SNX8: variants seen among roughly 807,000 people sequenced by gnomAD.
The protein encoded by SNX8 is sorting nexin 8.
A neutral mutation model predicts 51.6 loss-of-function variants in SNX8; 25 were observed. The observed-to-expected ratio is 0.48, with a 90% CI of 0.35 to 0.68. SNX8 has a LOEUF of 0.68. Ranked by LOEUF, SNX8 falls within the 30% of genes least tolerant of loss-of-function variation. The pLI, the probability that SNX8 is intolerant of heterozygous loss-of-function variation, is 0.00. For missense variants in SNX8, 695 were observed against 624.0 expected (o/e 1.11, Z -1.21); for synonymous variants, 324 against 277.0 (o/e 1.17, Z -1.68).
At chr7:2,306,970 C>T (rs1796557399) in intron 1 of SNX8, among the ~76,000 whole-genome samples, 1 of 128,270 alleles carries the variant, frequency 7.8e-6, no homozygotes, top group African/African-American at 2.5e-5. Context: ...ACAGTACTTC[C>T]TGGGGTTAAT....
intron 5 of SNX8, among the ~76,000 whole-genome samples, chr7:2,266,535 C>T (rs1418070505): frequency 2.6e-5 from 4 of 151,958 alleles, no homozygotes; most frequent in Non-Finnish European, 4.4e-5. Flanking sequence ...TTAGTAGAGG[C>T]GGGGTTTCAC....
intron 1 of SNX8, among the ~76,000 whole-genome samples, chr7:2,338,492 G>A (rs939129027): frequency 2.7e-5 from 4 of 150,912 alleles, no homozygotes; most frequent in Non-Finnish European, 4.4e-5. Flanking sequence ...AAAAATTGGC[G>A]GGCGTGGTGG....
intron 1 of SNX8, among the ~76,000 whole-genome samples, chr7:2,306,052 G>A (rs1796537010): frequency 6.6e-6 from 1 of 152,148 alleles, no homozygotes; most frequent in Admixed American, 6.6e-5. Context: ...TTTTCATTCA[G>A]TCTTATCCCT....
chr7:2,256,392 G>A (rs1412063703), intron 10 of SNX8, among the ~76,000 whole-genome samples: 1 of 152,234 alleles, frequency 6.6e-6, no homozygotes, highest in East Asian at 1.9e-4. Flanking sequence ...TGTAATCCCA[G>A]CGGTGCTGCA....
upstream of SNX8, chr7:2,314,516 A>G (rs1391879738): frequency 9.2e-7 from 1 of 1,085,964 alleles, no homozygotes; most frequent in Non-Finnish European, 1.1e-6. Flanking sequence ...CCGCCTGGTC[A>G]CGCCCCCTCC....
chr7:2,345,140 C>T (rs1039448738), intron 1 of SNX8, among the ~76,000 whole-genome samples: 2 of 151,990 alleles, frequency 1.3e-5, no homozygotes, highest in Non-Finnish European at 2.9e-5. Context: ...TAGAGACAAG[C>T]ATAAGAGTCT....
intron 1 of SNX8, among the ~76,000 whole-genome samples, chr7:2,302,979 C>T (rs1298980442): frequency 6.6e-6 from 1 of 150,586 alleles, no homozygotes; most frequent in Admixed American, 6.6e-5. Flanking sequence ...GGAGCGTCTC[C>T]GCCCGGCAGC....
At chr7:2,319,681 G>A (rs1347766805) in intron 1 of SNX8, among the ~76,000 whole-genome samples, 1 of 152,188 alleles carries the variant, frequency 6.6e-6, no homozygotes, top group Admixed American at 6.6e-5. Flanking sequence ...TGGGTGTGGT[G>A]GCGGGCGCCT....
At chr7:2,274,059 C>T (rs1795717452) in intron 3 of SNX8, among the ~76,000 whole-genome samples, 1 of 152,264 alleles carries the variant, frequency 6.6e-6, no homozygotes, top group Non-Finnish European at 1.5e-5. Flanking sequence ...TTTCCAGGCG[C>T]TGAACGCCAG....
rs372906091 is a variant in SNX8, at chr7:2,334,983, G to A, written c.-66+19239C>T. On this transcript the variant is annotated intron_variant, in intron 1 of 5. Transcript: ENST00000435336. ...GGCCAAGGTGGATGGATGACCTGAC[G>A]TCAGGAGTTCGAGGCCAGCCTGTCC... 1.5e-4 allele frequency among the ~76,000 whole-genome samples: 22 copies of A among 151,474 alleles called. 1 individual carries two copies. In the East Asian group the frequency reaches 2.9e-3, roughly 20 times the overall value.
intron 1 of SNX8, among the ~76,000 whole-genome samples, chr7:2,283,799 C>T (rs1036397793): frequency 6.6e-6 from 1 of 152,064 alleles, no homozygotes; most frequent in Non-Finnish European, 1.5e-5. Flanking sequence ...TGGGAATCTG[C>T]TTTTTTTGGA....
At chr7:2,279,843 A>G (rs1012520127) in intron 1 of SNX8, among the ~76,000 whole-genome samples, 3 of 152,164 alleles carry the variant, frequency 2.0e-5, no homozygotes, top group African/African-American at 7.2e-5. Context: ...TTCTGTGACT[A>G]CATCAAATCA....
rs777741321 is a variant in SNX8 at position 2,263,305 on chromosome 7, C to G, written c.840G>C (p.Thr280=). ...LPSWAALNSS[T]WGSLKQALKG... is the part of the protein sequence containing the mutation. ...TCAGAGCCTGCTTCAGGGACCCCCA[C>G]GTGCTGCTATTCAGAGCGGCCCAGG... Residue 280 remains threonine, a synonymous_variant, in exon 7 of 11, where the codon ACG becomes ACC. Transcript: ENST00000222990. The G allele has an allele frequency of 1.2e-6, 2 of 1,613,790 alleles. No individual in the cohort carries two copies. The highest frequency in any genetic ancestry group is 1.7e-6 in the Non-Finnish European group (2 of 1,179,948).
rs766257407 is a variant in SNX8 at position 2,257,463 on chromosome 7, G to A, written c.1036C>T (p.Leu346=). 6 of 1,608,332 alleles carry A rather than the reference G, an allele frequency of 3.7e-6. No individual in the cohort carries two copies. In the South Asian group the frequency reaches 5.5e-5, roughly 15 times the overall value. ...CTCTTCATCAGGCTGTACTTGTGCA[G>A]GGCCCGCTGGTGCTTGTGCAACACG... ...KGVLHKHQRA[L]HKYSLMKRQM... Residue 346 remains leucine, a synonymous_variant, in exon 9 of 11, where the codon CTG becomes TTG. Coordinates refer to ENST00000222990, the MANE Select transcript of SNX8 (RefSeq NM_013321.4).
chr7:2,290,170 C>G (rs1167957065), intron 1 of SNX8, among the ~76,000 whole-genome samples: 1 of 151,810 alleles, frequency 6.6e-6, no homozygotes, highest in Admixed American at 6.6e-5. Context: ...TCCAGCCTGG[C>G]GACAAGGGCA....
intron 10 of SNX8, among the ~76,000 whole-genome samples, chr7:2,256,560 T>G (rs1457395075): frequency 1.3e-5 from 2 of 152,226 alleles, no homozygotes; most frequent in Non-Finnish European, 2.9e-5. Flanking sequence ...AGAAACCTTC[T>G]CTCAGCCGCA....
intron 1 of SNX8, among the ~76,000 whole-genome samples, chr7:2,313,772 G>A (rs562910069): frequency 1.3e-5 from 2 of 152,194 alleles, no homozygotes; most frequent in African/African-American, 4.8e-5. Context: ...TAAGGCGGAG[G>A]ATCACTTGAA....
intron 1 of SNX8, among the ~76,000 whole-genome samples, chr7:2,339,372 A>AT (rs58324761): frequency 1.2e-3 from 184 of 147,376 alleles, no homozygotes; most frequent in Middle Eastern, 3.6e-3. Flanking sequence ...CGCCCAGCTA[A>AT]TTTTTTTTTT....
chr7:2,275,290 C>A lies in SNX8; in HGVS notation c.301-61G>T, dbSNP rs1479092935. ...GGAAACTATGCTGTCGCGTCACTTC[C>A]CCTCAACAGAGCCCGGGAAAACGAC... On this transcript the variant is annotated intron_variant, in intron 2 of 10. Coordinates refer to ENST00000222990, the MANE Select transcript of SNX8 (RefSeq NM_013321.4). 5 of 1,129,330 alleles carry A rather than the reference C, an allele frequency of 4.4e-6. No individual in the cohort carries two copies. The Admixed American group carries it at 8.5e-5, about 19-fold the overall frequency. The allele number at this position is 1,129,330 out of a possible 1,614,324, so 70.0% of individuals were successfully genotyped here.
Sources: gnomAD v4.1 joint callset for allele counts (sites outside exome capture counted in the v4.1 genomes callset) on GRCh38, gnomAD v4.1.1 for gene constraint, MANE v1.5 for transcripts, NCBI Gene and HGNC (gene_info 2026-07-23, HGNC 2026-07-21) for gene names.